The following DHX40 variants were observed in gnomAD, a reference collection of about 807,000 sequenced individuals.
DHX40 encodes the protein probable ATP-dependent RNA helicase DHX40.
DHX40 carries 28 observed loss-of-function variants against 89.6 expected under a neutral mutation model. The ratio of observed to expected loss-of-function variants is 0.31; its 90% confidence interval spans 0.23 to 0.43. The LOEUF (loss-of-function observed/expected upper bound fraction) is 0.43, where lower values mean the gene tolerates loss of function less well. DHX40 is among the 20% of genes least tolerant of loss of function. DHX40 has a pLI of 1.00. For missense variants in DHX40, 457 were observed against 844.0 expected, an observed-to-expected ratio of 0.54 and a Z score of 5.68; for synonymous variants, 226 against 283.6, an observed-to-expected ratio of 0.80 and a Z score of 2.04.
At chr17:59,593,815 C>T (rs962578438) in intron 12 of DHX40, among the ~76,000 whole-genome samples, 1 of 151,918 alleles carries the variant, frequency 6.6e-6, no homozygotes, top group Admixed American at 6.6e-5. Context: ...AACAAAAAAA[C>T]TTTAATTCGT....
chr17:59,577,697 C>T (rs2048904749), intron 8 of DHX40, among the ~76,000 whole-genome samples: 1 of 151,958 alleles, frequency 6.6e-6, no homozygotes, highest in Non-Finnish European at 1.5e-5. Context: ...AGCCAATCCT[C>T]CCGCCTCAGT....
chr17:59,576,990 C>G, intron 7 of DHX40: 1 of 380,048 alleles, frequency 2.6e-6, no homozygotes, highest in South Asian at 2.2e-5. Context: ...CTGCCTCAGC[C>G]TCCCGAGTAG....
At chr17:59,586,697 G>A (rs2697390) in intron 11 of DHX40, among the ~76,000 whole-genome samples, 7 of 151,766 alleles carry the variant, frequency 4.6e-5, no homozygotes, top group Admixed American at 2.6e-4. Flanking sequence ...AAACTGCACG[G>A]TATAATCCCT....
intron 14 of DHX40, among the ~76,000 whole-genome samples, chr17:59,600,030 G>A (rs927698132): frequency 9.9e-5 from 15 of 151,990 alleles, no homozygotes; most frequent in Non-Finnish European, 2.2e-4. Flanking sequence ...TGCCGTGTTG[G>A]CCAGGCTGGT....
chr17:59,574,713 G>A (rs953546051), intron 6 of DHX40, among the ~76,000 whole-genome samples: 2 of 151,648 alleles, frequency 1.3e-5, no homozygotes, highest in African/African-American at 4.9e-5. Context: ...ACAGACCTGA[G>A]TTAATTCCAT....
chr17:59,583,584 A>G (rs1296176154), intron 10 of DHX40, among the ~76,000 whole-genome samples: 1 of 141,902 alleles, frequency 7.0e-6, no homozygotes, highest in African/African-American at 2.4e-5. Context: ...GGCTCTGTTT[A>G]AAAAATTTTT....
intron 12 of DHX40, among the ~76,000 whole-genome samples, chr17:59,591,170 G>A (rs1440714556): frequency 3.3e-5 from 5 of 151,628 alleles, no homozygotes; most frequent in African/African-American, 1.2e-4. Context: ...TTAGCCAGGC[G>A]TGGCGTGCAC....
intron 1 of DHX40, among the ~76,000 whole-genome samples, chr17:59,566,082 C>A (rs1567851397): frequency 6.6e-6 from 1 of 152,028 alleles, no homozygotes; most frequent in South Asian, 2.1e-4. Flanking sequence ...ACCCATTCAT[C>A]CCCCCCACCC....
At chr17:59,571,966 T>C (rs1437265635) in intron 3 of DHX40, among the ~76,000 whole-genome samples, 1 of 152,224 alleles carries the variant, frequency 6.6e-6, no homozygotes, top group Admixed American at 6.5e-5. Context: ...GTGTCACTCT[T>C]ATTTCACTGA....
Position 59,607,351 on chromosome 17 carries a change from G to A in DHX40, c.*179G>A. The A allele has an allele frequency of 7.8e-7, 1 of 1,279,330 alleles. No individual in the cohort carries two copies. The highest frequency in any genetic ancestry group is 1.1e-6 in the Non-Finnish European group (1 of 916,168). 79.2% of individuals were successfully genotyped at this position (1,279,330 alleles called of 1,614,324 possible). On this transcript the variant is annotated 3_prime_UTR_variant, in exon 18 of 18. Transcript: ENST00000251241. ...CTCATCAGTTCCCATAAATGCAGTT[G>A]TCAAAGAAAAGATTTGGTTGCCATA... is the stretch of plus-strand genomic sequence containing the variant.
chr17:59,585,074 A>C (rs1339228752), intron 10 of DHX40, among the ~76,000 whole-genome samples: 1 of 23,552 alleles, frequency 4.2e-5, no homozygotes, highest in South Asian at 1.0e-3. Flanking sequence ...ATATGGCTAA[A>C]TTAATTGAAT....
At chr17:59,603,211 G>C (rs2030643073) in intron 15 of DHX40, 1 of 152,196 alleles carries the variant, frequency 6.6e-6, no homozygotes. Flanking sequence ...AGTGTATCAT[G>C]ATGAAGTTAT....
chr17:59,581,805 C>G (rs77477450), intron 10 of DHX40, among the ~76,000 whole-genome samples: 1 of 120,992 alleles, frequency 8.3e-6, no homozygotes, highest in Non-Finnish European at 1.6e-5. Context: ...ACCCCAAAAC[C>G]CACAAATACT....
chr17:59,578,190 C>T (rs1157729853), intron 8 of DHX40, among the ~76,000 whole-genome samples: 6 of 143,032 alleles, frequency 4.2e-5, no homozygotes, highest in Non-Finnish European at 6.1e-5. Flanking sequence ...TGTCTGTCTC[C>T]GGAAGGCTGA....
chr17:59,570,369 G>T, intron 2 of DHX40, 149 bp from the exon 3 acceptor site: 1 of 456,306 alleles, frequency 2.2e-6, no homozygotes, highest in Non-Finnish European at 3.5e-6. Context: ...AAATTTCCAT[G>T]ATGCAAACAT....
intron 1 of DHX40, among the ~76,000 whole-genome samples, chr17:59,566,018 C>A (rs1279652345): frequency 2.0e-5 from 3 of 152,140 alleles, no homozygotes; most frequent in African/African-American, 7.2e-5. Flanking sequence ...AAGTGAACCC[C>A]AACGCCCGAA....
chr17:59,575,146 T>G (rs555119863), intron 6 of DHX40, among the ~76,000 whole-genome samples, 194 bp from the exon 7 acceptor site: 12 of 152,132 alleles, frequency 7.9e-5, no homozygotes, highest in African/African-American at 2.9e-4. Flanking sequence ...TTAGGTTTCT[T>G]AGAAACTGAT....
intron 3 of DHX40, among the ~76,000 whole-genome samples, chr17:59,572,811 C>T (rs73331112): frequency 0.058 from 8,764 of 152,256 alleles, 721 homozygotes; most frequent in African/African-American, 0.18. Context: ...ACTGTTGTTT[C>T]CCACAACTTG....
At chr17:59,605,816 T>A (rs541853722) in intron 17 of DHX40, 142 bp downstream of exon 17, 2 of 841,106 alleles carry the variant, frequency 2.4e-6, no homozygotes, top group African/African-American at 3.3e-5. Context: ...AAAATAAAAA[T>A]TAGCCAGGCA....
Sources: gnomAD v4.1 joint callset for allele counts (sites outside exome capture counted in the v4.1 genomes callset) on GRCh38, gnomAD v4.1.1 for gene constraint, MANE v1.5 for transcripts, NCBI Gene and HGNC (gene_info 2026-07-23, HGNC 2026-07-21) for gene names.